The following DIAPH2 variants were observed in gnomAD, a reference collection of about 807,000 sequenced individuals.
DIAPH2 encodes diaphanous related formin 2.
Under a neutral mutation model 92.7 loss-of-function variants are expected in DIAPH2, and 35 were observed. The ratio of observed to expected loss-of-function variants is 0.38; its 90% CI spans 0.29 to 0.50. DIAPH2 has a LOEUF of 0.50. DIAPH2 is among the 20% of genes least tolerant of loss of function. The pLI is 0.94. For missense variants in DIAPH2, 701 were observed against 819.5 expected (o/e 0.86, Z 1.77); for synonymous variants, 301 against 280.4 (o/e 1.07, Z -0.73).
At chrX:97,224,446 T>C (rs2067949855) in intron 22 of DIAPH2, among the ~76,000 whole-genome samples, 1 of 112,262 alleles carries the variant, frequency 8.9e-6, no homozygotes, top group Non-Finnish European at 1.9e-5. Context: ...AACAAACTCA[T>C]TTTCTTCTTT....
intron 17 of DIAPH2, among the ~76,000 whole-genome samples, chrX:97,027,248 T>G (rs2066341638): frequency 8.9e-6 from 1 of 112,400 alleles, no homozygotes; most frequent in African/African-American, 3.2e-5. Flanking sequence ...ATCATATCAC[T>G]TCATATTTTT....
chrX:96,759,873 A>G (rs1401414944), intron 4 of DIAPH2, among the ~76,000 whole-genome samples: 1 of 111,852 alleles, frequency 8.9e-6, no homozygotes, highest in Non-Finnish European at 1.9e-5. Flanking sequence ...CAAGTGACCA[A>G]AGAAATGCAC....
chrX:97,453,251 T>C (rs1389421357), intron 26 of DIAPH2, among the ~76,000 whole-genome samples: 25 of 111,323 alleles, frequency 2.2e-4, no homozygotes. Context: ...TAAGAATGTA[T>C]GATATTCACT....
At chrX:97,160,107 G>A (rs2067357239) in intron 22 of DIAPH2, among the ~76,000 whole-genome samples, 1 of 109,742 alleles carries the variant, frequency 9.1e-6, no homozygotes, top group African/African-American at 3.3e-5. Context: ...GGGCGGGGCG[G>A]GGTGGGGGCT....
At chrX:97,407,281 C>T (rs1191154042) in intron 25 of DIAPH2, among the ~76,000 whole-genome samples, 1 of 111,329 alleles carries the variant, frequency 9.0e-6, no homozygotes, top group Non-Finnish European at 1.9e-5. Context: ...TATTACATAT[C>T]AAACAAGTAA....
At chrX:97,406,740 G>C (rs185214185) in intron 25 of DIAPH2, among the ~76,000 whole-genome samples, 80 of 111,378 alleles carry the variant, frequency 7.2e-4, no homozygotes, top group African/African-American at 2.5e-3. Flanking sequence ...TGTTGATATA[G>C]GCTATAAATA....
intron 5 of DIAPH2, among the ~76,000 whole-genome samples, chrX:96,890,595 T>C (rs2065300730): frequency 9.0e-6 from 1 of 111,386 alleles, no homozygotes; most frequent in Admixed American, 9.6e-5. Context: ...TTAATTGGTT[T>C]CTTTTTGTTC....
At chrX:97,197,171 T>C (rs368530246) in intron 22 of DIAPH2, among the ~76,000 whole-genome samples, 2 of 112,018 alleles carry the variant, frequency 1.8e-5, no homozygotes, top group East Asian at 5.6e-4. Context: ...GTTCTGCCAT[T>C]GCCTGGCTGC....
At chrX:96,819,623 A>G (rs1051368283) in intron 4 of DIAPH2, among the ~76,000 whole-genome samples, 6 of 112,058 alleles carry the variant, frequency 5.4e-5, no homozygotes, top group Non-Finnish European at 7.5e-5. Context: ...TTGCTCAGGT[A>G]TCTTATAATC....
chrX:97,050,738 T>A (rs2066514719), intron 17 of DIAPH2, among the ~76,000 whole-genome samples: 1 of 111,370 alleles, frequency 9.0e-6, no homozygotes. Flanking sequence ...ATTTTTTTTG[T>A]AGTCCTTTTT....
chrX:97,416,583 G>A (rs1270647689), intron 25 of DIAPH2, among the ~76,000 whole-genome samples: 1 of 111,972 alleles, frequency 8.9e-6, no homozygotes, highest in Non-Finnish European at 1.9e-5. Context: ...CATGAGTAGA[G>A]CTCATGAGTA....
intron 26 of DIAPH2, among the ~76,000 whole-genome samples, chrX:97,552,048 A>T (rs1017130154): frequency 8.9e-6 from 1 of 111,887 alleles, no homozygotes. Context: ...TGTGATCGTG[A>T]TCTGATCACT....
chrX:96,701,148 A>C (rs2063853019), intron 1 of DIAPH2, among the ~76,000 whole-genome samples: 1 of 111,540 alleles, frequency 9.0e-6, no homozygotes, highest in African/African-American at 3.3e-5. Context: ...AATTTCCCAT[A>C]GAGAGCCAGT....
At position 97,600,650 on chromosome X, in the gene DIAPH2, A is replaced by ATAAC. The variant is rs1178875425; in HGVS notation, c.*1335_*1338dup. 1.8e-5 allele frequency: 2 copies of ATAAC among 112,648 alleles called. No homozygotes were observed. Among genetic ancestry groups the ATAAC allele is most frequent in the South Asian group, 3.7e-4 (1 of 2,704 alleles). 9.3% of individuals were successfully genotyped at this position (112,648 alleles called of 1,213,427 possible). On this transcript the variant is annotated 3_prime_UTR_variant, in exon 27 of 27. Coordinates refer to ENST00000324765, the MANE Select transcript of DIAPH2 (RefSeq NM_006729.5). ...AAAATATGCATTGAAATAATGTGGT[A>ATAAC]TAACTTCTCTGGAGTGCAATTTTAA...
intron 4 of DIAPH2, among the ~76,000 whole-genome samples, chrX:96,857,701 T>A (rs768688145): frequency 2.7e-4 from 30 of 112,529 alleles, no homozygotes; most frequent in Non-Finnish European, 5.2e-4. Flanking sequence ...AAAAAAACAC[T>A]GACCCAGGAG....
intron 22 of DIAPH2, among the ~76,000 whole-genome samples, chrX:97,195,189 T>C (rs2067691465): frequency 8.9e-6 from 1 of 111,933 alleles, no homozygotes; most frequent in Admixed American, 9.5e-5. Flanking sequence ...GTAAATGATA[T>C]CTTCTAGGAG....
intron 24 of DIAPH2, among the ~76,000 whole-genome samples, chrX:97,375,231 G>A (rs1311997284): frequency 9.0e-6 from 1 of 111,157 alleles, no homozygotes. Context: ...TGAGGCGGGT[G>A]GATCACCTGA....
At chrX:97,364,411 G>A (rs2069358799) in intron 24 of DIAPH2, among the ~76,000 whole-genome samples, 1 of 111,843 alleles carries the variant, frequency 8.9e-6, no homozygotes, top group African/African-American at 3.3e-5. Context: ...TATCAACTCA[G>A]CTTTGATTTT....
At chrX:96,878,795 C>A (rs1057145366) in intron 4 of DIAPH2, among the ~76,000 whole-genome samples, 2 of 111,730 alleles carry the variant, frequency 1.8e-5, no homozygotes, top group Non-Finnish European at 3.8e-5. Flanking sequence ...CCATGAGATG[C>A]CCAATATAAA....
Sources: allele counts gnomAD v4.1 joint callset (sites outside exome capture counted in the v4.1 genomes callset), GRCh38; gene constraint gnomAD v4.1.1; transcripts MANE v1.5; gene names NCBI Gene and HGNC (gene_info 2026-07-23, HGNC 2026-07-21).